Variants in RIN1 observed in about 807,000 individuals in gnomAD.
RIN1 encodes ras inhibitor 1.
Under a neutral mutation model 64.9 loss-of-function variants are expected in RIN1, and 52 were observed. The ratio of observed to expected loss-of-function variants is 0.80; its 90% CI spans 0.64 to 1.01. The LOEUF is 1.01. Ranked by LOEUF, RIN1 falls within the 50% of genes least tolerant of loss-of-function variation. RIN1 has a pLI of 0.00. For synonymous variants in RIN1, 486 were observed against 483.6 expected (o/e 1.00, Z -0.06); for missense variants, 1,040 against 1,064.5 (o/e 0.98, Z 0.32).
chr11:66,336,475 A>G, upstream of RIN1: 1 of 1,349,182 alleles, frequency 7.4e-7, no homozygotes, highest in African/African-American at 1.4e-5. Context: ...AGTGAGTAAC[A>G]CTTCCTGAGG....
Position 66,332,681 on chromosome 11 carries a change from T to C in RIN1, c.1947A>G (p.Glu649=), listed in dbSNP as rs1784030. ...GCTGGTTCAGGGTGGCAATCGAGGC[T>C]TCTGGGGGCACGGCCAGGGTCTTGG... ...CTSKTLAVPP[E]ASIATLNQLC... Residue 649 remains glutamate, a synonymous_variant, in exon 10 of 10, where the codon GAA becomes GAG. Transcript: ENST00000311320. The C allele has an allele frequency of 0.99, 1,559,375 of 1,567,688 alleles. 775,901 individuals are homozygous for C. Among genetic ancestry groups the C allele is most frequent in the East Asian group, 1 (44,486 of 44,486 alleles).
rs764502683 is a variant in RIN1 at position 66,333,291 on chromosome 11, C to T, written c.1842G>A (p.Glu614=). 6 of 1,611,812 alleles carry T rather than the reference C, an allele frequency of 3.7e-6. No homozygotes were observed. In the Admixed American group the frequency reaches 6.7e-5, roughly 18 times the overall value. ...AGTGGGTGGCAGGCAGGCGGCGCTG[C>T]TCCCAGAGGCTGAGGGAGCGCCGTA... ...QELRRSLSLW[E]QRRLPATHCF... Residue 614 remains glutamate, a synonymous_variant, in exon 9 of 10, where the codon GAG becomes GAA. Transcript: ENST00000311320.
rs140899774 is a variant in RIN1 at position 66,335,667 on chromosome 11, C to A, written c.398G>T (p.Gly133Val). 1.6e-5 allele frequency: 26 copies of A among 1,613,410 alleles called. No homozygotes were observed. The highest frequency in any genetic ancestry group is 8.3e-5 in the Admixed American group (5 of 59,916). The change falls in exon 4 of 10, where the codon GGC becomes GTC. Residue 133 changes from glycine to valine, a missense_variant. By Grantham distance (109) the Gly-to-Val change is moderately radical. Coordinates refer to ENST00000311320, the MANE Select transcript of RIN1 (RefSeq NM_004292.3). ...TAGGTCTGGGAACATGAGCTCCGAGCCCTCCAAGGAGACGCCTGAGAGAGG... is the reference window on the plus strand; with the variant it reads ...TAGGTCTGGGAACATGAGCTCCGAGACCTCCAAGGAGACGCCTGAGAGAGG... ...LESPGGVSLE[G>V]SELMFPDLVQ...
In RIN1 at chr11:66,333,795, C is replaced by T. The variant is rs1320457758; in HGVS notation, c.1591+124G>A. On this transcript the variant is annotated intron_variant, in intron 7 of 9. Coordinates refer to ENST00000311320, the MANE Select transcript of RIN1 (RefSeq NM_004292.3). ...CTCTAGGCCTCAGTTTCGCCATCTG[C>T]AAGAGGGGAGGGTGGGCTCATTCTC... is the stretch of plus-strand genomic sequence containing the variant. 5 of 1,419,618 alleles carry T rather than the reference C, an allele frequency of 3.5e-6. No individual in the cohort carries two copies. The East Asian group carries it at 1.2e-4, about 35-fold the overall frequency. The allele number at this position is 1,419,618 out of a possible 1,614,324, so 87.9% of individuals were successfully genotyped here. A position where few individuals can be genotyped will look rare whatever the true frequency, so the allele number is the denominator to read the frequency against.
chr11:66,336,363 C>T lies in RIN1; in HGVS notation c.40G>A (p.Ala14Thr). ...GTAGTGAAGCTGGACGGGCTGGGGG[C>T]TCCAGGAGAGCCCGCGCCTGACTCT... ...PGESGAGSPGAPSPSSFTTGH... is the reference protein window; with the variant it reads ...PGESGAGSPGTPSPSSFTTGH... Residue 14 changes from alanine to threonine, a missense_variant, in exon 1 of 10, where the codon GCC (alanine) becomes ACC (threonine). Physicochemically the swap from Ala to Thr is moderately conservative, Grantham distance 58. Transcript: ENST00000311320. 2 of 1,613,744 alleles carry T rather than the reference C, an allele frequency of 1.2e-6. No individual in the cohort carries two copies. Among genetic ancestry groups the T allele is most frequent in the Non-Finnish European group, 1.7e-6 (2 of 1,179,874 alleles).
chr11:66,335,808 A>T lies in RIN1; in HGVS notation c.336T>A (p.Ser112Arg). The T allele has an allele frequency of 6.2e-7, 1 of 1,610,180 alleles. No homozygotes were observed. Among genetic ancestry groups the T allele is most frequent in the Middle Eastern group, 1.7e-4 (1 of 6,036 alleles). ...QALCMRLPEA[S>R]GPSFVSSHYI... ...AGTGGCTGGAGACGAAGGAGGGGCC[A>T]CTGGCTTCAGGCAACCGCATGCACA... The change falls in exon 3 of 10, where the codon AGT (serine) becomes AGA (arginine). Residue 112 changes from serine (S) to arginine (R), a missense_variant. Ser to Arg is a moderately radical substitution (Grantham distance 110, BLOSUM62 -1). Coordinates refer to ENST00000311320, the MANE Select transcript of RIN1 (RefSeq NM_004292.3).
Position 66,335,735 on chromosome 11 carries a change from C to T in RIN1, c.382+27G>A, listed in dbSNP as rs146672437. ...CTCTGGGGAACCTCCCTGCTTCCAG[C>T]CCCTTCCCGCCAGGCCAGCCCCTCA... On this transcript the variant is annotated intron_variant, in intron 3 of 9. Transcript: ENST00000311320. The T allele has an allele frequency of 8.7e-3, 14,053 of 1,611,936 alleles. 84 individuals carry two copies. The highest frequency in any genetic ancestry group is 0.014 in the Middle Eastern group (85 of 6,058).
rs757984197 is a variant in RIN1 at position 66,333,287 on chromosome 11, G to A, written c.1846C>T (p.Arg616Cys). ...AAGCAGTGGGTGGCAGGCAGGCGGCGCTGCTCCCAGAGGCTGAGGGAGCGC... is the reference window on the plus strand; with the variant it reads ...AAGCAGTGGGTGGCAGGCAGGCGGCACTGCTCCCAGAGGCTGAGGGAGCGC... ...LRRSLSLWEQRRLPATHCFQH... is the reference protein window; with the variant it reads ...LRRSLSLWEQCRLPATHCFQH... The change falls in exon 9 of 10, where the codon CGC becomes TGC. Residue 616 changes from arginine to cysteine, a missense_variant. By Grantham distance (180) the Arg-to-Cys change is radical. Coordinates refer to ENST00000311320, the MANE Select transcript of RIN1 (RefSeq NM_004292.3). 3.1e-6 allele frequency: 5 copies of A among 1,611,602 alleles called. No individual in the cohort carries two copies. The highest frequency in any genetic ancestry group is 2.2e-5 in the South Asian group (2 of 91,010).
upstream of RIN1, chr11:66,336,768 CA>C (rs1854916098): frequency 8.2e-6 from 2 of 245,050 alleles, no homozygotes; most frequent in South Asian, 1.8e-4. Flanking sequence ...GTCAGTTGCT[CA>C]TCTGCCCCTG....
chr11:66,333,581 G>C lies in RIN1; in HGVS notation c.1669C>G (p.Leu557Val), dbSNP rs200561068. 6.2e-7 allele frequency: 1 copy of C among 1,613,528 alleles called. No individual in the cohort carries two copies. Among genetic ancestry groups the C allele is most frequent in the East Asian group, 2.2e-5 (1 of 44,884 alleles). ...LAHCDLPELL[L>V]EAEYMSELLE... ...AGCTCCGACATGTACTCGGCCTCCAGCAGCAGCTCAGGAAGGTCACAGTGG... is the reference window on the plus strand; with the variant it reads ...AGCTCCGACATGTACTCGGCCTCCACCAGCAGCTCAGGAAGGTCACAGTGG... Residue 557 changes from leucine (L) to valine (V), a missense_variant, in exon 8 of 10, where the codon CTG (leucine) becomes GTG (valine). Coordinates refer to ENST00000311320, the MANE Select transcript of RIN1 (RefSeq NM_004292.3).
At chr11:66,333,212 G>T in intron 9 of RIN1, 46 bp downstream of exon 9, 1 of 1,599,342 alleles carries the variant, frequency 6.3e-7, no homozygotes, top group South Asian at 1.1e-5. Flanking sequence ...AAGGTGAAAG[G>T]CGGGGATGGC....
Position 66,335,966 on chromosome 11 carries a change from G to A in RIN1, c.267+12C>T, listed in dbSNP as rs1289777559. 1.4e-6 allele frequency: 2 copies of A among 1,481,388 alleles called. No individual in the cohort carries two copies. The highest frequency in any genetic ancestry group is 2.8e-5 in the South Asian group (2 of 70,524). 91.8% of individuals were successfully genotyped at this position (1,481,388 alleles called of 1,614,324 possible). A position where few individuals can be genotyped will look rare whatever the true frequency, so the allele number is the denominator to read the frequency against. On this transcript the variant is annotated intron_variant, in intron 2 of 9. Transcript: ENST00000311320. ...TGGCTGGCCAGTCCCTGGAGTGTGG[G>A]GCAAGACTCACCCCCGGGGGCTCGG...
rs140145986 is a variant in RIN1 at position 66,336,010 on chromosome 11, C to A, written c.235G>T (p.Ala79Ser). ...WLQLQANAAA[A>S]LHMLRTEPPG... ...GGCTCGGTCCTCAGCATGTGCAGTG[C>A]GGCCGCTGCGTTGGCTTGCAGCTGC... Residue 79 changes from alanine (A) to serine (S), a missense_variant, in exon 2 of 10, where the codon GCA becomes TCA. Transcript: ENST00000311320. 55 of 1,468,154 alleles carry A rather than the reference C, an allele frequency of 3.7e-5. No individual in the cohort carries two copies. Among genetic ancestry groups the A allele is most frequent in the Non-Finnish European group, 4.9e-5 (54 of 1,108,706 alleles). The allele number at this position is 1,468,154 out of a possible 1,614,324, so 90.9% of individuals were successfully genotyped here.
chr11:66,333,900 G>A lies in RIN1; in HGVS notation c.1591+19C>T. 6.7e-7 allele frequency: 1 copy of A among 1,501,258 alleles called. No homozygotes were observed. Among genetic ancestry groups the A allele is most frequent in the Non-Finnish European group, 8.9e-7 (1 of 1,123,160 alleles). 93.0% of individuals were successfully genotyped at this position (1,501,258 alleles called of 1,614,324 possible). A position where few individuals can be genotyped will look rare whatever the true frequency, so the allele number is the denominator to read the frequency against. The stretch of plus-strand genomic sequence containing the variant: ...GACTCAAAGGGGCAGGGCAGGGTGA[G>A]GTGGTGGCAGGGACATACCTTCCTG... On this transcript the variant is annotated intron_variant, in intron 7 of 9. Coordinates refer to ENST00000311320, the MANE Select transcript of RIN1 (RefSeq NM_004292.3).
intron 5 of RIN1, 74 bp from the exon 6 acceptor site, chr11:66,335,325 C>T (rs1344551556): frequency 6.4e-7 from 1 of 1,556,360 alleles, no homozygotes; most frequent in African/African-American, 1.4e-5. Context: ...AAGGCAGGGG[C>T]TTCGGGCGGT....
In RIN1 at chr11:66,335,013, C is replaced by A; in HGVS notation, c.786G>T (p.Val262=). The change falls in exon 6 of 10, where the codon GTG becomes GTT. Residue 262 remains valine (V), a synonymous_variant. Coordinates refer to ENST00000311320, the MANE Select transcript of RIN1 (RefSeq NM_004292.3). Reference sequence around the variant, plus strand: ...GCAGCACGGGGACGGGGGGAGGTGGCACGGCAGGTGGAGACAGGGGGCTGG... The same window carrying A: ...GCAGCACGGGGACGGGGGGAGGTGGAACGGCAGGTGGAGACAGGGGGCTGG... ...ETSSPLSPPA[V]PPPPVPVLPG... is the part of the protein sequence containing the mutation. 6.5e-7 allele frequency: 1 copy of A among 1,539,634 alleles called. No individual in the cohort carries two copies.
chr11:66,336,744 C>A (rs1211559987), upstream of RIN1: 1 of 285,260 alleles, frequency 3.5e-6, no homozygotes, highest in African/African-American at 2.2e-5. Context: ...TCTGGGGGCA[C>A]CTTTGGCTCT....
In RIN1 at chr11:66,332,690, C is replaced by A; in HGVS notation, c.1938G>T (p.Val646=). The A allele has an allele frequency of 1.3e-6, 2 of 1,555,870 alleles. No individual in the cohort carries two copies. Among genetic ancestry groups the A allele is most frequent in the Non-Finnish European group, 8.7e-7 (1 of 1,151,262 alleles). ...SSGCTSKTLA[V]PPEASIATLN... ...GGGTGGCAATCGAGGCTTCTGGGGG[C>A]ACGGCCAGGGTCTTGGAGGTGCAGC... Residue 646 remains valine, a synonymous_variant, in exon 10 of 10, where the codon GTG becomes GTT. Transcript: ENST00000311320.
Position 66,334,046 on chromosome 11 carries a change from G to A in RIN1, c.1464C>T (p.Ser488=), listed in dbSNP as rs1232620353. 1.9e-6 allele frequency: 3 copies of A among 1,574,360 alleles called. No homozygotes were observed. Among genetic ancestry groups the A allele is most frequent in the Admixed American group, 1.9e-5 (1 of 52,892 alleles). The change falls in exon 7 of 10, where the codon TCC becomes TCT. Residue 488 remains serine, a synonymous_variant. Coordinates refer to ENST00000311320, the MANE Select transcript of RIN1 (RefSeq NM_004292.3). ...GGCGCACTTGCTCCAACTCTACTGG[G>A]GAGGGCAGGCTCAGGTGGGACCCGA... ...GAFGSHLSLP[S]PVELEQVRQK...
Sources: gnomAD v4.1 joint callset for allele counts on GRCh38, gnomAD v4.1.1 for gene constraint, MANE v1.5 for transcripts, NCBI Gene and HGNC (gene_info 2026-07-23, HGNC 2026-07-21) for gene names.